Variants in FLT1 observed in about 807,000 individuals in gnomAD.
The protein encoded by FLT1 is vascular endothelial growth factor receptor 1.
FLT1 carries 49 observed loss-of-function variants against 156.3 expected under a neutral mutation model. The observed-to-expected ratio is 0.31, with a 90% CI of 0.25 to 0.40. FLT1 has a LOEUF of 0.40. FLT1 is among the 10% of genes least tolerant of loss of function. The pLI is 1.00. For missense variants in FLT1, 1,322 were observed against 1,637.2 expected, an observed-to-expected ratio of 0.81 and a Z score of 3.32; for synonymous variants, 594 against 583.8, an observed-to-expected ratio of 1.02 and a Z score of -0.25.
Position 28,384,988 on chromosome 13 carries a change from T to C in FLT1, c.2013A>G (p.Thr671=). Residue 671 remains threonine (T), a synonymous_variant, in exon 14 of 30, where the codon ACA becomes ACG. Transcript: ENST00000282397. ...AAGTGGTGGAACTGCTGATGGCCACTGTGTGATCACTGAGGTTTCGCAGGA... is the reference window on the plus strand; with the variant it reads ...AAGTGGTGGAACTGCTGATGGCCACCGTGTGATCACTGAGGTTTCGCAGGA... ...PYLLRNLSDH[T]VAISSSTTLD... 1 of 1,614,146 alleles carries C rather than the reference T, an allele frequency of 6.2e-7. No homozygotes were observed. Among genetic ancestry groups the C allele is most frequent in the Non-Finnish European group, 8.5e-7 (1 of 1,179,980 alleles).
intron 13 of FLT1, chr13:28,388,065 A>G: frequency 9.4e-7 from 1 of 1,058,336 alleles, no homozygotes; most frequent in Non-Finnish European, 1.1e-6. Context: ...TAAGGCCCCC[A>G]TGTTCTATGG....
chr13:28,361,267 AG>A (rs1234965781), intron 14 of FLT1, among the ~76,000 whole-genome samples: 2 of 152,102 alleles, frequency 1.3e-5, no homozygotes, highest in Non-Finnish European at 2.9e-5. Flanking sequence ...TGACAGAGCA[AG>A]ACTCCATCTC....
intron 15 of FLT1, among the ~76,000 whole-genome samples, chr13:28,353,495 C>T (rs1384719694): frequency 6.7e-6 from 1 of 150,244 alleles, no homozygotes; most frequent in African/African-American, 2.5e-5. Flanking sequence ...ATTGCTTGAG[C>T]TCAGGAGGCA....
chr13:28,463,116 T>C (rs1393663914), intron 3 of FLT1, among the ~76,000 whole-genome samples: 1 of 152,186 alleles, frequency 6.6e-6, no homozygotes, highest in East Asian at 1.9e-4. Flanking sequence ...AAGAAACAAA[T>C]GTAAGAAATT....
chr13:28,363,200 G>A (rs1182071624), intron 14 of FLT1, among the ~76,000 whole-genome samples: 1 of 152,126 alleles, frequency 6.6e-6, no homozygotes, highest in East Asian at 1.9e-4. Flanking sequence ...CATTTTTAAA[G>A]TGGTTCTATT....
At chr13:28,440,455 C>T (rs1022961436) in intron 3 of FLT1, among the ~76,000 whole-genome samples, 3 of 152,188 alleles carry the variant, frequency 2.0e-5, no homozygotes, top group African/African-American at 7.2e-5. Context: ...CTCTTGAAGG[C>T]CCCCATAGAA....
At chr13:28,368,526 C>T in intron 14 of FLT1, 1 of 1,546,140 alleles carries the variant, frequency 6.5e-7, no homozygotes, top group Non-Finnish European at 8.7e-7. Context: ...TAATAGTTTT[C>T]AATAAATGGT....
At chr13:28,336,535 C>G (rs1872121028) in intron 17 of FLT1, among the ~76,000 whole-genome samples, 1 of 152,126 alleles carries the variant, frequency 6.6e-6, no homozygotes, top group Non-Finnish European at 1.5e-5. Flanking sequence ...CTGGACTGGC[C>G]AGGGGCCCTG....
intron 1 of FLT1, among the ~76,000 whole-genome samples, chr13:28,487,411 A>G (rs976922700): frequency 6.6e-6 from 1 of 152,240 alleles, no homozygotes; most frequent in African/African-American, 2.4e-5. Flanking sequence ...CTCTTTTAAC[A>G]AAAGAATCTG....
Position 28,385,007 on chromosome 13 carries a change from C to T in FLT1, c.1994G>A (p.Arg665Gln), listed in dbSNP as rs767259336. 63 of 1,613,918 alleles carry T rather than the reference C, an allele frequency of 3.9e-5. No homozygotes were observed. Among genetic ancestry groups the T allele is most frequent in the Middle Eastern group, 1.6e-4 (1 of 6,082 alleles). ...GGCCACTGTGTGATCACTGAGGTTT[C>T]GCAGGAGGTATGGTGCTTCCTGATC... ...IRDQEAPYLL[R>Q]NLSDHTVAIS... The change falls in exon 14 of 30, where the codon CGA becomes CAA. Residue 665 changes from arginine (R) to glutamine (Q), a missense_variant. By Grantham distance (43) the Arg-to-Gln change is conservative. This residue lies in a region of FLT1 where 991 missense variants were observed against 1,254.8 expected (regional missense o/e 0.79). Transcript: ENST00000282397.
intron 29 of FLT1, 81 bp from the exon 30 acceptor site, chr13:28,303,449 G>A (rs768343429): frequency 2.8e-5 from 34 of 1,226,850 alleles, no homozygotes; most frequent in Non-Finnish European, 3.6e-5. Context: ...CTCTTTCTGA[G>A]TGGGTCATTT....
chr13:28,404,155 G>A (rs1169167878), intron 11 of FLT1, among the ~76,000 whole-genome samples: 6 of 152,010 alleles, frequency 3.9e-5, no homozygotes, highest in Non-Finnish European at 7.4e-5. Context: ...TATACATCAC[G>A]GACTGTTTTA....
chr13:28,334,142 G>C lies in FLT1; in HGVS notation c.2489-13C>G, dbSNP rs375961556. On this transcript the variant is annotated splice_polypyrimidine_tract_variant and intron_variant, in intron 17 of 29. Coordinates refer to ENST00000282397, the MANE Select transcript of FLT1 (RefSeq NM_002019.4). ...CCAAGTGATTTGCCTGTAATGAAGA[G>C]AAGACACTGGTTTGTTTGCCGAGGC... The C allele has an allele frequency of 1.3e-6, 2 of 1,563,628 alleles. No homozygotes were observed. The highest frequency in any genetic ancestry group is 8.8e-7 in the Non-Finnish European group (1 of 1,133,892).
intron 3 of FLT1, among the ~76,000 whole-genome samples, chr13:28,456,503 A>G (rs1262890404): frequency 1.3e-5 from 2 of 152,162 alleles, no homozygotes; most frequent in Admixed American, 6.5e-5. Context: ...AGTAAGAAAG[A>G]TAAGTGTTTG....
At chr13:28,448,207 C>T (rs996829600) in intron 3 of FLT1, among the ~76,000 whole-genome samples, 4 of 152,204 alleles carry the variant, frequency 2.6e-5, no homozygotes, top group African/African-American at 9.7e-5. Context: ...GGCAGTTCCT[C>T]AAATTGTTAA....
At chr13:28,368,535 G>A (rs1873395902) in intron 14 of FLT1, 1 of 1,547,010 alleles carries the variant, frequency 6.5e-7, no homozygotes, top group Non-Finnish European at 8.7e-7. Context: ...TCAATAAATG[G>A]TAGCTATGAT....
At chr13:28,350,529 G>T (rs903170389) in intron 15 of FLT1, among the ~76,000 whole-genome samples, 1 of 152,102 alleles carries the variant, frequency 6.6e-6, no homozygotes, top group Non-Finnish European at 1.5e-5. Context: ...CACAGCCTGG[G>T]CTGCATGGTC....
intron 14 of FLT1, among the ~76,000 whole-genome samples, chr13:28,369,936 A>T (rs74544019): frequency 0.076 from 11,629 of 152,284 alleles, 483 homozygotes; most frequent in South Asian, 0.12. Context: ...GCAGTGGCTC[A>T]TGCCTGTAAT....
rs551089081 is a variant in FLT1 at position 28,322,601 on chromosome 13, G to A, written c.2953+189C>T. The A allele has an allele frequency of 1.2e-4, 88 of 727,092 alleles. 2 individuals carry two copies. The South Asian group carries it at 1.3e-3, about 11-fold the overall frequency. 45.0% of individuals were successfully genotyped at this position (727,092 alleles called of 1,614,324 possible). On this transcript the variant is annotated intron_variant, in intron 21 of 29. Transcript: ENST00000282397. The surrounding 1 kb of genome is among the most constrained non-coding windows in gnomAD (Gnocchi z 4.3). ...ATGAAAATCCCTGAGGGGAGAAAAC[G>A]GTACAGTTCCCTGTCAAAATTAGTA...
Sources: allele counts gnomAD v4.1 joint callset (sites outside exome capture counted in the v4.1 genomes callset), GRCh38; gene constraint gnomAD v4.1.1; regional missense constraint gnomAD v4.1.1; non-coding constraint Gnocchi (gnomAD v3.1); transcripts MANE v1.5; gene names NCBI Gene and HGNC (gene_info 2026-07-23, HGNC 2026-07-21).